Variants in DAB1 observed in about 807,000 individuals in gnomAD.
The protein encoded by DAB1 is disabled homolog 1.
A neutral mutation model predicts 64.6 loss-of-function variants in DAB1; 15 were observed. The ratio of observed to expected loss-of-function variants is 0.23; its 90% CI spans 0.16 to 0.36. The LOEUF is 0.36. Ranked by LOEUF, DAB1 falls within the 10% of genes least tolerant of loss-of-function variation. The pLI, the probability that DAB1 is intolerant of heterozygous loss-of-function variation, is 1.00. For synonymous variants in DAB1, 235 were observed against 251.9 expected, an observed-to-expected ratio of 0.93 and a Z score of 0.64; for missense variants, 596 against 706.7, an observed-to-expected ratio of 0.84 and a Z score of 1.78.
intron 2 of DAB1, among the ~76,000 whole-genome samples, chr1:58,519,562 A>G (rs1389938160): frequency 1.3e-5 from 2 of 152,158 alleles, no homozygotes; most frequent in Non-Finnish European, 2.9e-5. Context: ...CTTAGCACAG[A>G]GAATACCTCT....
chr1:57,942,170 T>G (rs1645115563), intron 5 of DAB1, among the ~76,000 whole-genome samples: 1 of 152,170 alleles, frequency 6.6e-6, no homozygotes, highest in South Asian at 2.1e-4. Context: ...AGGCACACCC[T>G]TATATCATTG....
chr1:58,117,229 G>A (rs1039263404), intron 5 of DAB1, among the ~76,000 whole-genome samples: 2 of 152,120 alleles, frequency 1.3e-5, no homozygotes, highest in African/African-American at 2.4e-5. Context: ...CAAAAGAAAC[G>A]TGTTGCCTGT....
At position 57,049,263 on chromosome 1, in the gene DAB1, C is replaced by T. The variant is rs546998778; in HGVS notation, c.723+13621G>A. 4.0e-5 allele frequency among the ~76,000 whole-genome samples: 6 copies of T among 151,660 alleles called. No homozygotes were observed. In the East Asian group the frequency reaches 1.2e-3, roughly 30 times the overall value. Reference sequence around the variant, plus strand: ...AGGAGATCGAGATCATCCTGGCTAACACGGTGAAACCCTGTCTCTACTAAA... The same window carrying T: ...AGGAGATCGAGATCATCCTGGCTAATACGGTGAAACCCTGTCTCTACTAAA... On this transcript the variant is annotated intron_variant, in intron 9 of 14. Coordinates refer to ENST00000371236, the MANE Select transcript of DAB1 (RefSeq NM_001365792.1).
intron 3 of DAB1, among the ~76,000 whole-genome samples, chr1:58,487,619 T>C (rs1250917965): frequency 2.6e-5 from 4 of 152,216 alleles, no homozygotes; most frequent in Non-Finnish European, 4.4e-5. Flanking sequence ...TCTTTGCTAA[T>C]TTATTATGAC....
At chr1:58,445,402 C>T (rs942996376) in intron 3 of DAB1, among the ~76,000 whole-genome samples, 1 of 152,242 alleles carries the variant, frequency 6.6e-6, no homozygotes. Context: ...CACAAGCCCA[C>T]TGCAAGCCTG....
At chr1:57,079,034 T>C (rs1353126115) in intron 4 of DAB1, among the ~76,000 whole-genome samples, 6 of 152,140 alleles carry the variant, frequency 3.9e-5, no homozygotes, top group Admixed American at 6.5e-5. Context: ...ATTTTTTGCT[T>C]TGAAGATATA....
upstream of DAB1, among the ~76,000 whole-genome samples, chr1:57,888,179 G>C (rs575297607): frequency 6.6e-6 from 1 of 152,208 alleles, no homozygotes; most frequent in Admixed American, 6.5e-5. Flanking sequence ...CACTATCTTG[G>C]TTCATATAAG....
At chr1:57,666,824 C>A (rs1451500773) in intron 6 of DAB1, among the ~76,000 whole-genome samples, 1 of 140,260 alleles carries the variant, frequency 7.1e-6, no homozygotes, top group African/African-American at 2.7e-5. Flanking sequence ...CTCAACAATG[C>A]AGCTAGGGTA....
intron 5 of DAB1, among the ~76,000 whole-genome samples, chr1:58,012,217 C>G (rs948833084): frequency 6.6e-6 from 1 of 152,122 alleles, no homozygotes; most frequent in African/African-American, 2.4e-5. Flanking sequence ...AATGAGGAAG[C>G]AGAACATCTG....
chr1:57,884,813 C>T (rs1432713833), upstream of DAB1, among the ~76,000 whole-genome samples: 3 of 152,152 alleles, frequency 2.0e-5, no homozygotes, highest in Non-Finnish European at 4.4e-5. Context: ...GCCATCCTCA[C>T]AGTAATGAGT....
At chr1:57,103,403 A>C (rs1455514330) in intron 4 of DAB1, among the ~76,000 whole-genome samples, 2 of 152,212 alleles carry the variant, frequency 1.3e-5, no homozygotes, top group Non-Finnish European at 2.9e-5. Flanking sequence ...GTTCTTCAAC[A>C]CTAAGCAAGA....
intron 4 of DAB1, among the ~76,000 whole-genome samples, chr1:58,253,195 T>C (rs562272855): frequency 1.3e-5 from 2 of 152,298 alleles, no homozygotes; most frequent in East Asian, 1.9e-4. Flanking sequence ...ATCTAAAAAA[T>C]TGAATCACTA....
At chr1:58,201,559 A>G (rs140657523) in intron 4 of DAB1, among the ~76,000 whole-genome samples, 6 of 152,348 alleles carry the variant, frequency 3.9e-5, no homozygotes, top group African/African-American at 9.6e-5. Flanking sequence ...AAGTAGATGA[A>G]GGACCCCAAG....
At chr1:57,664,219 G>T (rs1646420818) in intron 6 of DAB1, among the ~76,000 whole-genome samples, 1 of 152,122 alleles carries the variant, frequency 6.6e-6, no homozygotes, top group South Asian at 2.1e-4. Flanking sequence ...ATCTTTACTG[G>T]ATCTGGAAAA....
At chr1:57,480,862 G>A (rs546175282) in intron 7 of DAB1, among the ~76,000 whole-genome samples, 1 of 152,138 alleles carries the variant, frequency 6.6e-6, no homozygotes, top group African/African-American at 2.4e-5. Flanking sequence ...AGAAAGCTGA[G>A]GCTCAGAGAA....
intron 1 of DAB1, among the ~76,000 whole-genome samples, chr1:57,332,210 C>T (rs1013415344): frequency 2.0e-4 from 31 of 151,294 alleles, no homozygotes; most frequent in African/African-American, 7.0e-4. Flanking sequence ...GTAATCTGCC[C>T]GCCTTGGCCT....
intron 7 of DAB1, among the ~76,000 whole-genome samples, chr1:57,462,373 T>TA (rs1365179014): frequency 1.3e-5 from 2 of 152,302 alleles, no homozygotes; most frequent in Non-Finnish European, 1.5e-5. Flanking sequence ...TTTAAATCCA[T>TA]AAAAAATATT....
intron 6 of DAB1, among the ~76,000 whole-genome samples, chr1:57,785,036 A>G (rs548664372): frequency 2.0e-5 from 3 of 152,288 alleles, no homozygotes; most frequent in East Asian, 3.9e-4. Context: ...ACCAATACTC[A>G]TTTAGTATTC....
intron 2 of DAB1, among the ~76,000 whole-genome samples, chr1:57,160,066 G>A (rs561272055): frequency 6.6e-6 from 1 of 152,114 alleles, no homozygotes; most frequent in African/African-American, 2.4e-5. Flanking sequence ...ACAGCCTAAG[G>A]ATGGCGTGAC....
Sources: allele counts gnomAD v4.1 joint callset (sites outside exome capture counted in the v4.1 genomes callset), GRCh38; gene constraint gnomAD v4.1.1; transcripts MANE v1.5; gene names NCBI Gene and HGNC (gene_info 2026-07-23, HGNC 2026-07-21).